The following ZNF251 variants were observed in gnomAD, a reference collection of about 807,000 sequenced individuals.
The protein encoded by ZNF251 is zinc finger protein 251.
Under a neutral mutation model 13.5 loss-of-function variants are expected in ZNF251, and 14 were observed. The observed-to-expected ratio is 1.04, with a 90% confidence interval of 0.69 to 1.63. The LOEUF is 1.63. ZNF251 is among the 40% of genes most tolerant of loss of function. The pLI, the probability that ZNF251 is intolerant of heterozygous loss-of-function variation, is 0.00. For synonymous variants in ZNF251, 287 were observed against 295.2 expected (o/e 0.97, Z 0.28); for missense variants, 764 against 834.9 (o/e 0.92, Z 1.05).
rs554887340 is a variant in ZNF251, at chr8:144,754,355, C to A, written c.34-34G>T. 8.3e-6 allele frequency: 13 copies of A among 1,562,074 alleles called. No individual in the cohort carries two copies. In the Admixed American group the frequency reaches 9.6e-5, roughly 12 times the overall value. Reference sequence around the variant, plus strand: ...AAACATCGCCGCTGCCCAGGCCATGCCCACGGGGCAGCAGCCTGCACTAAA... The same window carrying A: ...AAACATCGCCGCTGCCCAGGCCATGACCACGGGGCAGCAGCCTGCACTAAA... On this transcript the variant is annotated intron_variant, in intron 2 of 4. Transcript: ENST00000292562.
chr8:144,752,105 C>T (rs1394494787), intron 4 of ZNF251, among the ~76,000 whole-genome samples: 1 of 149,410 alleles, frequency 6.7e-6, no homozygotes, highest in Non-Finnish European at 1.5e-5. Flanking sequence ...TTTAACACCC[C>T]TCTCTCAGCA....
intron 4 of ZNF251, among the ~76,000 whole-genome samples, chr8:144,739,895 A>C (rs1422301002): frequency 7.9e-6 from 1 of 125,946 alleles, no homozygotes; most frequent in African/African-American, 4.0e-5. Context: ...GCTCTGTTTC[A>C]AAAAAAAAAA....
chr8:144,741,939 G>A (rs911435542), intron 4 of ZNF251, among the ~76,000 whole-genome samples: 1 of 152,096 alleles, frequency 6.6e-6, no homozygotes, highest in African/African-American at 2.4e-5. Context: ...AAGAAATAAT[G>A]GTCAAAAATT....
chr8:144,750,125 C>G (rs751131287), intron 4 of ZNF251, among the ~76,000 whole-genome samples: 1 of 152,130 alleles, frequency 6.6e-6, no homozygotes, highest in Non-Finnish European at 1.5e-5. Flanking sequence ...AATACCTGGT[C>G]TGATTACTCC....
intron 4 of ZNF251, among the ~76,000 whole-genome samples, chr8:144,749,011 A>C (rs983409297): frequency 1.3e-5 from 2 of 152,142 alleles, no homozygotes; most frequent in East Asian, 3.9e-4. Flanking sequence ...TACAAAAATA[A>C]AAAAAGAGCT....
At chr8:144,740,128 A>G (rs1274443241) in intron 4 of ZNF251, among the ~76,000 whole-genome samples, 2 of 151,228 alleles carry the variant, frequency 1.3e-5, no homozygotes, top group Admixed American at 6.6e-5. Context: ...TCTACTAAAA[A>G]TACAAAATTA....
intron 4 of ZNF251, among the ~76,000 whole-genome samples, chr8:144,737,715 C>T (rs914630466): frequency 3.4e-4 from 50 of 145,174 alleles, no homozygotes; most frequent in Non-Finnish European, 5.1e-4. Flanking sequence ...GCCTGTAGTC[C>T]CAGCTACTTG....
intron 4 of ZNF251, among the ~76,000 whole-genome samples, chr8:144,736,165 G>A (rs1823884241): frequency 6.6e-6 from 1 of 152,008 alleles, no homozygotes; most frequent in South Asian, 2.1e-4. Flanking sequence ...TGAAGGCTGA[G>A]GACCCTCGAC....
intron 4 of ZNF251, among the ~76,000 whole-genome samples, chr8:144,751,006 C>T (rs1471633278): frequency 1.3e-5 from 2 of 152,064 alleles, no homozygotes; most frequent in Non-Finnish European, 2.9e-5. Context: ...CCCACCACCA[C>T]GCCCAGCTAA....
intron 4 of ZNF251, among the ~76,000 whole-genome samples, chr8:144,733,460 G>A (rs571677357): frequency 2.0e-5 from 3 of 152,212 alleles, no homozygotes; most frequent in Non-Finnish European, 4.4e-5. Flanking sequence ...GCTGCCATGA[G>A]GCCTCCGGCA....
chr8:144,736,275 G>A (rs1823887804), intron 4 of ZNF251, among the ~76,000 whole-genome samples: 1 of 151,992 alleles, frequency 6.6e-6, no homozygotes, highest in African/African-American at 2.4e-5. Context: ...GGTCCTCCAG[G>A]GACTATCCCA....
chr8:144,744,083 G>A (rs777108456), intron 4 of ZNF251, among the ~76,000 whole-genome samples: 12 of 145,028 alleles, frequency 8.3e-5, no homozygotes, highest in South Asian at 2.2e-4. Flanking sequence ...GCTCAGTCTC[G>A]GCTCACTGCA....
rs754240121 is a variant in ZNF251, at chr8:144,723,335, A to T, written c.325T>A (p.Phe109Ile). 1.3e-6 allele frequency: 2 copies of T among 1,539,596 alleles called. 1 individual carries two copies. The highest frequency in any genetic ancestry group is 2.5e-5 in the South Asian group (2 of 79,874). Residue 109 changes from phenylalanine to isoleucine, a missense_variant, in exon 5 of 5, where the codon TTT (phenylalanine) becomes ATT (isoleucine). Physicochemically the swap from Phe to Ile is conservative, Grantham distance 21. Transcript: ENST00000292562. ...KKELSILNQKFSEEVKTPEFV... is the reference protein window; with the variant it reads ...KKELSILNQKISEEVKTPEFV... ...TCTGGGGTTTTTACTTCTTCGGAAA[A>T]TTTTTGGTTTAAAATAGATAGTTCC...
Position 144,722,146 on chromosome 8 carries a change from A to T in ZNF251, c.1514T>A (p.Ile505Asn). The T allele has an allele frequency of 6.2e-7, 1 of 1,614,142 alleles. No homozygotes were observed. Among genetic ancestry groups the T allele is most frequent in the Non-Finnish European group, 8.5e-7 (1 of 1,180,012 alleles). Residue 505 changes from isoleucine to asparagine, a missense_variant, in exon 5 of 5, where the codon ATT (isoleucine) becomes AAT (asparagine). Transcript: ENST00000292562. This position sits in a 1 kb window ranked among gnomAD's most constrained non-coding sequence, Gnocchi z 4.8. ...TCCGCTGTGAACTTTCTGATGCTGA[A>T]TGAGGGTTGACCTCCGGCTGAAGGC... ...GKAFSRRSTL[I>N]QHQKVHSGET...
At chr8:144,725,469 T>G (rs1823493996) in intron 4 of ZNF251, among the ~76,000 whole-genome samples, 1 of 151,864 alleles carries the variant, frequency 6.6e-6, no homozygotes, top group Non-Finnish European at 1.5e-5. Flanking sequence ...ATTCCTTATT[T>G]TTTTGTAGAG....
chr8:144,733,525 C>T (rs569125072), intron 4 of ZNF251, among the ~76,000 whole-genome samples: 62 of 152,352 alleles, frequency 4.1e-4, no homozygotes, highest in South Asian at 2.3e-3. Flanking sequence ...GAGGCCACCG[C>T]TACAACCCCA....
intron 2 of ZNF251, 30 bp downstream of exon 2, chr8:144,754,666 A>G: frequency 6.3e-7 from 1 of 1,592,794 alleles, no homozygotes; most frequent in Non-Finnish European, 8.5e-7. Flanking sequence ...ATGAAGATGA[A>G]GAGGTGGGCA....
intron 4 of ZNF251, among the ~76,000 whole-genome samples, chr8:144,743,353 C>T (rs1426394882): frequency 2.6e-5 from 4 of 152,146 alleles, no homozygotes; most frequent in African/African-American, 4.8e-5. Flanking sequence ...CATGAAGCAC[C>T]GTGCCCGGCC....
intron 1 of ZNF251, 197 bp from the exon 2 acceptor site, chr8:144,755,000 G>A (rs1824891360): frequency 7.2e-7 from 1 of 1,392,704 alleles, no homozygotes; most frequent in Non-Finnish European, 9.3e-7. Flanking sequence ...GGGGGATCCA[G>A]GGACGCCCGG....
Sources: gnomAD v4.1 joint callset for allele counts (sites outside exome capture counted in the v4.1 genomes callset) on GRCh38, gnomAD v4.1.1 for gene constraint, Gnocchi (gnomAD v3.1) non-coding constraint, MANE v1.5 for transcripts, NCBI Gene and HGNC (gene_info 2026-07-23, HGNC 2026-07-21) for gene names.